Variants in CACNA1D observed in about 807,000 individuals in gnomAD.
CACNA1D encodes the protein voltage-dependent L-type calcium channel subunit alpha-1D.
A neutral mutation model predicts 257.1 loss-of-function variants in CACNA1D; 55 were observed. The observed-to-expected ratio is 0.21, with a 90% CI of 0.17 to 0.27. The LOEUF (loss-of-function observed/expected upper bound fraction) is 0.27. CACNA1D is among the 10% of genes least tolerant of loss of function. The pLI is 1.00. For missense variants in CACNA1D, 1,876 were observed against 2,784.0 expected, an observed-to-expected ratio of 0.67 and a Z score of 7.34; for synonymous variants, 980 against 1,014.9, an observed-to-expected ratio of 0.97 and a Z score of 0.65.
intron 3 of CACNA1D, among the ~76,000 whole-genome samples, chr3:53,546,177 C>T (rs189536595): frequency 7.5e-4 from 114 of 152,298 alleles, no homozygotes; most frequent in African/African-American, 2.7e-3. Flanking sequence ...CTGTGGCCGT[C>T]GCCGTGTCAG....
At chr3:53,676,200 C>T (rs576959509) in intron 8 of CACNA1D, among the ~76,000 whole-genome samples, 20 of 152,142 alleles carry the variant, frequency 1.3e-4, no homozygotes, top group Non-Finnish European at 2.6e-4. Context: ...GTGAGCTGCA[C>T]TAGAGAGATG....
At chr3:53,780,433 T>C (rs1036697280) in intron 38 of CACNA1D, among the ~76,000 whole-genome samples, 8 of 152,164 alleles carry the variant, frequency 5.3e-5, no homozygotes, top group African/African-American at 1.9e-4. Context: ...CCATCACAAA[T>C]GAACTCACTC....
chr3:53,708,993 T>C (rs1311223364), intron 9 of CACNA1D, among the ~76,000 whole-genome samples: 2 of 152,190 alleles, frequency 1.3e-5, no homozygotes, highest in East Asian at 1.9e-4. Context: ...TAAAAACTGC[T>C]ACAATGGACT....
At chr3:53,690,109 A>G (rs576456016) in intron 8 of CACNA1D, among the ~76,000 whole-genome samples, 55 of 152,320 alleles carry the variant, frequency 3.6e-4, no homozygotes, top group African/African-American at 1.3e-3. Flanking sequence ...CAAAATTTAC[A>G]CAGCTAGTAA....
intron 3 of CACNA1D, among the ~76,000 whole-genome samples, chr3:53,523,579 T>C (rs1419552307): frequency 6.6e-6 from 1 of 152,232 alleles, no homozygotes. Flanking sequence ...TATGTCTTCA[T>C]TTACACAAGG....
At chr3:53,712,548 G>C (rs535589516) in intron 9 of CACNA1D, among the ~76,000 whole-genome samples, 6 of 152,230 alleles carry the variant, frequency 3.9e-5, no homozygotes, top group East Asian at 3.9e-4. Flanking sequence ...GTGCCTTTAG[G>C]GGGTGTGTGG....
Position 53,769,957 on chromosome 3 carries a change from C to A in CACNA1D, c.3871-16C>A. The A allele has an allele frequency of 2.5e-6, 4 of 1,603,488 alleles. No homozygotes were observed. Among genetic ancestry groups the A allele is most frequent in the Non-Finnish European group, 3.4e-6 (4 of 1,170,236 alleles). On this transcript the variant is annotated splice_polypyrimidine_tract_variant and intron_variant, in intron 30 of 47. Transcript: ENST00000350061. ...CCTGGTTCATTAATCCATTTTCAAT[C>A]TTTGATTTCTTAAAGCCAACTGAAA...
chr3:53,668,153 A>G (rs1018770236), intron 7 of CACNA1D, among the ~76,000 whole-genome samples: 7 of 152,164 alleles, frequency 4.6e-5, no homozygotes, highest in African/African-American at 1.7e-4. Context: ...TGATTTTTTT[A>G]AAAATCAAAA....
At chr3:53,630,185 T>A (rs1274085149) in intron 3 of CACNA1D, among the ~76,000 whole-genome samples, 1 of 152,252 alleles carries the variant, frequency 6.6e-6, no homozygotes, top group Non-Finnish European at 1.5e-5. Context: ...TTTGTTTTCA[T>A]TATTCTGTAT....
chr3:53,529,869 G>A (rs1260541600), intron 3 of CACNA1D, among the ~76,000 whole-genome samples: 1 of 152,094 alleles, frequency 6.6e-6, no homozygotes, highest in Non-Finnish European at 1.5e-5. Flanking sequence ...CAGTTAATAA[G>A]GTTTTATTGT....
intron 3 of CACNA1D, among the ~76,000 whole-genome samples, chr3:53,586,895 G>T (rs1411863707): frequency 6.6e-6 from 1 of 152,136 alleles, no homozygotes; most frequent in Non-Finnish European, 1.5e-5. Flanking sequence ...AATAAGAGAC[G>T]CTGGGGGGGT....
chr3:53,711,234 C>T (rs1470242755), intron 9 of CACNA1D, among the ~76,000 whole-genome samples: 4 of 152,138 alleles, frequency 2.6e-5, no homozygotes, highest in South Asian at 2.1e-4. Flanking sequence ...TAACAGAGTG[C>T]GATCTCTGTC....
rs559042683 is a variant in CACNA1D at position 53,507,152 on chromosome 3, G to A, written c.483+5432G>A. 3.8e-4 allele frequency among the ~76,000 whole-genome samples: 57 copies of A among 151,696 alleles called. 2 individuals are homozygous for A. Among genetic ancestry groups the A allele is most frequent in the Admixed American group, 3.5e-3 (53 of 15,242 alleles). On this transcript the variant is annotated intron_variant, in intron 3 of 47. Transcript: ENST00000350061. ...AAATGACCAGAGTAGATGGACTCGT[G>A]TAGTAAAACTTTACCCAAAGTTGGT...
At position 53,666,445 on chromosome 3, in the gene CACNA1D, A is replaced by G. The variant is rs2094264659; in HGVS notation, c.1026A>G (p.Gly342=). Residue 342 remains glycine (G), a synonymous_variant, in exon 7 of 48, where the codon GGA becomes GGG. Transcript: ENST00000350061. ...ECRSGWVGPN[G]GITNFDNFAF... ...GGAGTGGCTGGGTTGGCCCGAACGG[A>G]GGCATCACCAACTTTGATAACTTTG... is the stretch of plus-strand genomic sequence containing the variant. 6.2e-7 allele frequency: 1 copy of G among 1,614,042 alleles called. No homozygotes were observed. Among genetic ancestry groups the G allele is most frequent in the African/African-American group, 1.3e-5 (1 of 74,930 alleles).
chr3:53,716,214 C>G (rs1024030094), intron 9 of CACNA1D, among the ~76,000 whole-genome samples: 4 of 152,242 alleles, frequency 2.6e-5, no homozygotes, highest in African/African-American at 9.6e-5. Flanking sequence ...GTTCACACCA[C>G]CATTTTAGAG....
At chr3:53,635,003 G>A (rs2093865475) in intron 3 of CACNA1D, among the ~76,000 whole-genome samples, 1 of 152,196 alleles carries the variant, frequency 6.6e-6, no homozygotes, top group East Asian at 1.9e-4. Context: ...TAGTGGATGA[G>A]GATACAAAAA....
chr3:53,503,853 A>G (rs2090707864), intron 3 of CACNA1D, among the ~76,000 whole-genome samples: 1 of 151,048 alleles, frequency 6.6e-6, no homozygotes, highest in Non-Finnish European at 1.5e-5. Flanking sequence ...ACCTCTTCAT[A>G]TAGTATTCTG....
At chr3:53,500,814 A>G (rs1029333733) in intron 2 of CACNA1D, among the ~76,000 whole-genome samples, 8 of 152,224 alleles carry the variant, frequency 5.3e-5, no homozygotes, top group Admixed American at 5.2e-4. Flanking sequence ...GGCTGATCTC[A>G]AAGTGATTCT....
intron 14 of CACNA1D, among the ~76,000 whole-genome samples, chr3:53,724,492 A>G (rs1180543091): frequency 2.0e-5 from 3 of 152,176 alleles, no homozygotes; most frequent in Non-Finnish European, 4.4e-5. Context: ...TCCTCCTGGG[A>G]TGCAGTGAGG....
Sources: allele counts gnomAD v4.1 joint callset (sites outside exome capture counted in the v4.1 genomes callset), GRCh38; gene constraint gnomAD v4.1.1; transcripts MANE v1.5; gene names NCBI Gene and HGNC (gene_info 2026-07-23, HGNC 2026-07-21).